DST: variants seen among roughly 807,000 people sequenced by gnomAD.
The protein encoded by DST is bullous pemphigoid antigen.
DST carries 253 observed loss-of-function variants against 875.2 expected under a neutral mutation model. The ratio of observed to expected loss-of-function variants is 0.29; its 90% CI spans 0.26 to 0.32. DST has a LOEUF of 0.32. Ranked by LOEUF, DST falls within the 10% of genes least tolerant of loss-of-function variation. The probability of loss-of-function intolerance (pLI) is 1.00; values close to 1 mark genes in which losing one functional copy is unlikely to be tolerated. For missense variants in DST, 8,287 were observed against 9,111.6 expected, an observed-to-expected ratio of 0.91 and a Z score of 3.68; for synonymous variants, 3,124 against 3,197.1, an observed-to-expected ratio of 0.98 and a Z score of 0.77.
rs562540330 is a variant in DST, at chr6:56,793,475, C to T, written c.625+57922G>A. 2.0e-3 allele frequency among the ~76,000 whole-genome samples: 301 copies of T among 152,266 alleles called. 3 individuals carry two copies. The highest frequency in any genetic ancestry group is 2.5e-3 in the Non-Finnish European group (168 of 68,006). On this transcript the variant is annotated intron_variant, in intron 4 of 103. Transcript: ENST00000680361. ...ACTATTCTTTCAACTTTTCTGTAGA[C>T]TTTAAGTTTTTCAAAATAAAATGTT...
chr6:56,890,168 G>A (rs1786682059), intron 3 of DST, among the ~76,000 whole-genome samples: 1 of 149,742 alleles, frequency 6.7e-6, no homozygotes, highest in Admixed American at 6.6e-5. Flanking sequence ...TCTACCAGCT[G>A]TATGACCTTG....
intron 3 of DST, among the ~76,000 whole-genome samples, chr6:56,853,241 C>T (rs1766162560): frequency 6.6e-6 from 1 of 152,040 alleles, no homozygotes; most frequent in South Asian, 2.1e-4. Context: ...GACAATAAGG[C>T]ATTAGGCAAA....
intron 10 of DST, among the ~76,000 whole-genome samples, chr6:56,658,331 T>C (rs995882772): frequency 1.3e-5 from 2 of 152,248 alleles, no homozygotes; most frequent in African/African-American, 4.8e-5. Context: ...ATTTGCTCTC[T>C]GACTTTGGAC....
At chr6:56,743,443 T>G (rs971483909) in intron 4 of DST, among the ~76,000 whole-genome samples, 3 of 152,226 alleles carry the variant, frequency 2.0e-5, no homozygotes, top group African/African-American at 7.2e-5. Context: ...CAGATCCTGC[T>G]GAGAAGTTCA....
chr6:56,517,696 A>G, intron 69 of DST, 76 bp from the exon 70 acceptor site: 6 of 1,481,836 alleles, frequency 4.0e-6, no homozygotes, highest in Non-Finnish European at 4.5e-6. Flanking sequence ...CAGTTCTTTG[A>G]AATATCCTTA....
intron 2 of DST, among the ~76,000 whole-genome samples, chr6:56,928,370 G>T (rs1808327775): frequency 6.6e-6 from 1 of 152,070 alleles, no homozygotes; most frequent in Admixed American, 6.6e-5. Flanking sequence ...TGCTATCAAA[G>T]GAGTCCCAGC....
chr6:56,819,867 T>C (rs1178181744), intron 4 of DST, among the ~76,000 whole-genome samples: 1 of 152,238 alleles, frequency 6.6e-6, no homozygotes, highest in East Asian at 1.9e-4. Context: ...GAAGAGAGAA[T>C]AGCTTTTCTT....
chr6:56,518,121 T>C (rs2096630893), intron 69 of DST, among the ~76,000 whole-genome samples: 1 of 152,174 alleles, frequency 6.6e-6, no homozygotes, highest in South Asian at 2.1e-4. Context: ...CATCTCTATA[T>C]ATGCAGAGTA....
chr6:56,482,605 A>AT, intron 89 of DST, 78 bp downstream of exon 89: 1 of 1,477,908 alleles, frequency 6.8e-7, no homozygotes, highest in South Asian at 1.3e-5. Context: ...GGGCCTCACA[A>AT]TTTTTTACTA....
In DST at chr6:56,513,823, G is replaced by T. The variant is rs1423399568; in HGVS notation, c.18576+1627C>A. Among the ~76,000 whole-genome samples the T allele has an allele frequency of 1.8e-4, 27 of 152,330 alleles. No individual in the cohort carries two copies. The East Asian group carries it at 3.9e-3, about 22-fold the overall frequency. On this transcript the variant is annotated intron_variant, in intron 72 of 103. Transcript: ENST00000680361. ...ATGATTCTTGGCACATGCTGTCATA[G>T]GAGTCCAGTCATGCTGGAGCTATCT...
chr6:56,741,107 T>C (rs72881028), intron 4 of DST, among the ~76,000 whole-genome samples: 7,543 of 152,250 alleles, frequency 0.05, 298 homozygotes, highest in Non-Finnish European at 0.077. Flanking sequence ...ACAGATTCTA[T>C]AGATAAATTG....
chr6:56,625,826 G>C (rs2098728516), intron 34 of DST, among the ~76,000 whole-genome samples: 1 of 151,812 alleles, frequency 6.6e-6, no homozygotes, highest in East Asian at 1.9e-4. Flanking sequence ...CATAGGAGAA[G>C]ACAGCTCCAT....
intron 4 of DST, among the ~76,000 whole-genome samples, chr6:56,820,880 T>C (rs949069215): frequency 6.6e-6 from 1 of 152,210 alleles, no homozygotes; most frequent in Non-Finnish European, 1.5e-5. Context: ...GTATACAAAC[T>C]TGACTGCCAA....
At chr6:56,645,399 C>A (rs2098936570) in intron 15 of DST, among the ~76,000 whole-genome samples, 1 of 152,142 alleles carries the variant, frequency 6.6e-6, no homozygotes, top group African/African-American at 2.4e-5. Flanking sequence ...AGAAAGGGAA[C>A]CTGAACTAAC....
At chr6:56,881,137 C>T (rs1782003053) in intron 3 of DST, among the ~76,000 whole-genome samples, 1 of 152,066 alleles carries the variant, frequency 6.6e-6, no homozygotes, top group Non-Finnish European at 1.5e-5. Flanking sequence ...GCATGAGCCA[C>T]CACGCCCAGC....
intron 90 of DST, among the ~76,000 whole-genome samples, chr6:56,479,303 G>C (rs954322089): frequency 2.0e-5 from 3 of 152,094 alleles, no homozygotes; most frequent in Non-Finnish European, 4.4e-5. Context: ...CTGAGAAAAG[G>C]GCGTGCTTAT....
chr6:56,810,474 C>A (rs1292647396), intron 4 of DST, among the ~76,000 whole-genome samples: 1 of 152,100 alleles, frequency 6.6e-6, no homozygotes, highest in African/African-American at 2.4e-5. Flanking sequence ...TGTAAAAGTT[C>A]ATAAATTCTA....
chr6:56,573,574 T>C (rs1339369345), intron 51 of DST, 105 bp downstream of exon 51: 1 of 813,672 alleles, frequency 1.2e-6, no homozygotes, highest in Non-Finnish European at 1.9e-6. Context: ...AGTAAATGTC[T>C]CTTTTTTGTG....
chr6:56,632,096 T>G, intron 28 of DST, 56 bp from the exon 29 acceptor site: 2 of 1,408,008 alleles, frequency 1.4e-6, no homozygotes, highest in Non-Finnish European at 2.0e-6. Flanking sequence ...TAGAAGCTTC[T>G]GTTTATGTTT....
Sources: allele counts gnomAD v4.1 joint callset (sites outside exome capture counted in the v4.1 genomes callset), GRCh38; gene constraint gnomAD v4.1.1; transcripts MANE v1.5; gene names NCBI Gene and HGNC (gene_info 2026-07-23, HGNC 2026-07-21).